The following ZBBX variants were observed in gnomAD, a reference collection of about 807,000 sequenced individuals.
The protein encoded by ZBBX is zinc finger B-box domain-containing protein 1.
In ZBBX, 101 loss-of-function variants were observed where a neutral mutation model predicts 108.5. The observed-to-expected ratio is 0.93, with a 90% CI of 0.79 to 1.10. The LOEUF (loss-of-function observed/expected upper bound fraction) is 1.10. ZBBX is among the 50% of genes least tolerant of loss of function. The pLI is 0.00. For synonymous variants in ZBBX, 356 were observed against 323.4 expected, an observed-to-expected ratio of 1.10 and a Z score of -1.08; for missense variants, 1,009 against 941.4, an observed-to-expected ratio of 1.07 and a Z score of -0.94.
Position 167,305,911 on chromosome 3 carries a change from G to A in ZBBX, c.1457C>T (p.Pro486Leu). ...TTCAATGTCAGAAGAATACACATCA[G>A]GATCCACGATGTTGTCAAAATCTGT... ...SNTDFDNIVD[P>L]DVYSSDIEKI... The change falls in exon 17 of 22, where the codon CCT (proline) becomes CTT (leucine). Residue 486 changes from proline (P) to leucine (L), a missense_variant. Physicochemically the swap from Pro to Leu is moderately conservative, Grantham distance 98. Coordinates refer to ENST00000675490, the MANE Select transcript of ZBBX (RefSeq NM_001199201.2). 6.3e-7 allele frequency: 1 copy of A among 1,588,146 alleles called. No homozygotes were observed. Among genetic ancestry groups the A allele is most frequent in the South Asian group, 1.2e-5 (1 of 85,344 alleles).
At chr3:167,303,194 T>C (rs1331860119) in intron 17 of ZBBX, among the ~76,000 whole-genome samples, 1 of 152,178 alleles carries the variant, frequency 6.6e-6, no homozygotes, top group South Asian at 2.1e-4. Flanking sequence ...TATGGTCCCC[T>C]TTTCCTTTAG....
At chr3:167,194,136 A>T in the ZBBX span, among the ~76,000 whole-genome samples, 1 of 151,812 alleles carries the variant, frequency 6.6e-6, no homozygotes, top group Non-Finnish European at 1.5e-5. Flanking sequence ...CACAACACAA[A>T]GAAATGGTGA....
chr3:167,210,529 G>C, the ZBBX span, among the ~76,000 whole-genome samples: 3 of 152,126 alleles, frequency 2.0e-5, no homozygotes, highest in African/African-American at 7.2e-5. Flanking sequence ...TCCAAATCTG[G>C]AGAAAGATCA....
At chr3:167,384,921 C>T (rs140240120), upstream of ZBBX, among the ~76,000 whole-genome samples, 357 of 152,144 alleles carry the variant, frequency 2.3e-3, 2 homozygotes, top group African/African-American at 8.3e-3. Context: ...CCAATATCAA[C>T]ATTCCTAATA....
intron 1 of ZBBX, among the ~76,000 whole-genome samples, chr3:167,397,026 T>C (rs1270303677): frequency 6.6e-6 from 1 of 151,128 alleles, no homozygotes; most frequent in Non-Finnish European, 1.5e-5. Flanking sequence ...GCATTGCTCA[T>C]TTTTTTCCCT....
In ZBBX at chr3:167,282,244, G is replaced by A; in HGVS notation, c.2248C>T (p.Leu750Phe). Residue 750 changes from leucine to phenylalanine, a missense_variant, in exon 20 of 22, where the codon CTT (leucine) becomes TTT (phenylalanine). Transcript: ENST00000675490. ...LEKELQVLRS[L>F]ADTSEKLYSL... ...AAAAAAAAAATAGGATTACCTGCAA[G>A]AGATCTCAGCACTTGTAATTCTTTT... The A allele has an allele frequency of 6.2e-7, 1 of 1,606,806 alleles. No individual in the cohort carries two copies.
chr3:167,331,752 C>CA (rs1055528475), intron 10 of ZBBX: 18 of 287,924 alleles, frequency 6.3e-5, no homozygotes, highest in African/African-American at 4.1e-4. Context: ...CCTGTAAGCA[C>CA]ATGATATCCC....
chr3:167,265,606 T>G (rs572009002), intron 20 of ZBBX, among the ~76,000 whole-genome samples: 8 of 152,218 alleles, frequency 5.3e-5, no homozygotes, highest in Non-Finnish European at 1.2e-4. Flanking sequence ...CTCTAGGTCA[T>G]GTGCCATGCT....
intron 16 of ZBBX, among the ~76,000 whole-genome samples, chr3:167,312,641 T>C (rs115649062): frequency 0.014 from 2,128 of 152,302 alleles, 26 homozygotes; most frequent in South Asian, 0.026. Context: ...AAAGTAACAA[T>C]TACATGGGCA....
the ZBBX span, among the ~76,000 whole-genome samples, chr3:167,223,351 T>G: frequency 6.6e-6 from 1 of 151,980 alleles, no homozygotes; most frequent in South Asian, 2.1e-4. Context: ...ACAGTAGGTC[T>G]TCAAGAAAAT....
the ZBBX span, among the ~76,000 whole-genome samples, chr3:167,194,782 G>T: frequency 2.6e-5 from 4 of 152,128 alleles, no homozygotes; most frequent in Non-Finnish European, 5.9e-5. Flanking sequence ...TAGGTAGAAA[G>T]AATTTAAGGA....
At chr3:167,338,519 A>G (rs1739965808) in intron 9 of ZBBX, among the ~76,000 whole-genome samples, 1 of 144,378 alleles carries the variant, frequency 6.9e-6, no homozygotes, top group African/African-American at 2.6e-5. Flanking sequence ...ATATCTCCTT[A>G]AGTGATCCAG....
chr3:167,321,994 T>C (rs1255963857), intron 12 of ZBBX, 123 bp downstream of exon 12: 1 of 562,366 alleles, frequency 1.8e-6, no homozygotes, highest in South Asian at 7.3e-5. Context: ...TTAATCTTGC[T>C]TTAAAATTAT....
At chr3:167,187,663 T>G in the ZBBX span, among the ~76,000 whole-genome samples, 1 of 152,272 alleles carries the variant, frequency 6.6e-6, no homozygotes, top group South Asian at 2.1e-4. Flanking sequence ...ATTCGGCAGC[T>G]CCAATTAGCA....
chr3:167,305,819 GA>G lies in ZBBX; in HGVS notation c.1548del (p.Gln517LysfsTer17), dbSNP rs754579963. The G allele has an allele frequency of 4.3e-6, 7 of 1,612,350 alleles. No homozygotes were observed. The highest frequency in any genetic ancestry group is 1.3e-5 in the African/African-American group (1 of 74,830). On this transcript the variant is annotated frameshift_variant, in exon 17 of 22. Transcript: ENST00000675490. LOFTEE classifies it high-confidence loss of function. ...GATACACAGGAATCATCAGACTTTT[GA>G]TTACTTTCTAAACCTATATTTTTCT... ...LKEKNIGLES[N>X]QKSDDSCVSL...
the ZBBX span, among the ~76,000 whole-genome samples, chr3:167,194,055 G>A: frequency 6.6e-6 from 1 of 151,906 alleles, no homozygotes; most frequent in African/African-American, 2.4e-5. Context: ...TCAATAACTG[G>A]TAGGGTGACT....
intron 2 of ZBBX, among the ~76,000 whole-genome samples, chr3:167,374,614 C>A (rs1458674331): frequency 6.6e-6 from 1 of 152,058 alleles, no homozygotes; most frequent in Non-Finnish European, 1.5e-5. Context: ...CTGCTATATA[C>A]AAGGCAATGT....
At chr3:167,323,250 G>A (rs1459414699) in intron 11 of ZBBX, among the ~76,000 whole-genome samples, 2 of 92,912 alleles carry the variant, frequency 2.2e-5, no homozygotes, top group Non-Finnish European at 2.3e-5. Context: ...GGGGGGGGGG[G>A]AAAGAACTCT....
chr3:167,360,041 T>C (rs1744255043), intron 7 of ZBBX, 62 bp from the exon 8 acceptor site: 1 of 964,290 alleles, frequency 1.0e-6, no homozygotes, highest in Non-Finnish European at 1.5e-6. Context: ...TTCCAATTGA[T>C]AAATTAATGA....
Sources: gnomAD v4.1 joint callset for allele counts (sites outside exome capture counted in the v4.1 genomes callset) on GRCh38, gnomAD v4.1.1 for gene constraint, MANE v1.5 for transcripts, NCBI Gene and HGNC (gene_info 2026-07-23, HGNC 2026-07-21) for gene names.